The following ARHGAP10 variants were observed in gnomAD, a reference collection of about 807,000 sequenced individuals.
ARHGAP10 encodes Rho GTPase activating protein 10, also known as rho GTPase-activating protein 10.
ARHGAP10 carries 87 observed loss-of-function variants against 108.6 expected under a neutral mutation model. The observed-to-expected ratio is 0.80, with a 90% CI of 0.67 to 0.96. The LOEUF (loss-of-function observed/expected upper bound fraction) is 0.96, where lower values mean the gene tolerates loss of function less well. Ranked by LOEUF, ARHGAP10 falls within the 40% of genes least tolerant of loss-of-function variation. The pLI is 0.00. For missense variants in ARHGAP10, 939 were observed against 954.5 expected (o/e 0.98, Z 0.21); for synonymous variants, 347 against 341.1 (o/e 1.02, Z -0.19).
chr4:148,070,353 C>A (rs1035480069), intron 22 of ARHGAP10, among the ~76,000 whole-genome samples: 2 of 152,210 alleles, frequency 1.3e-5, no homozygotes, highest in African/African-American at 4.8e-5. Context: ...GGGAACAGCT[C>A]CAGGGAGGCG....
At chr4:147,860,492 A>T (rs1306604551) in intron 5 of ARHGAP10, among the ~76,000 whole-genome samples, 5 of 152,136 alleles carry the variant, frequency 3.3e-5, no homozygotes, top group Admixed American at 2.0e-4. Flanking sequence ...AAATTGTGGC[A>T]TATACCATGC....
chr4:147,881,748 C>A, intron 9 of ARHGAP10, 90 bp from the exon 10 acceptor site: 3 of 1,124,618 alleles, frequency 2.7e-6, no homozygotes, highest in Non-Finnish European at 3.9e-6. Flanking sequence ...AGATCTTGAA[C>A]CTTGCTCCCC....
In ARHGAP10 at chr4:147,847,313, A is replaced by G. The variant is rs553372616; in HGVS notation, c.384+91A>G. 8 of 1,153,336 alleles carry G rather than the reference A, an allele frequency of 6.9e-6. No individual in the cohort carries two copies. In the African/African-American group the frequency reaches 1.1e-4, roughly 16 times the overall value. The allele number at this position is 1,153,336 out of a possible 1,614,324, so 71.4% of individuals were successfully genotyped here. On this transcript the variant is annotated intron_variant, in intron 4 of 22. Transcript: ENST00000336498. ...TTCACATTTGGCAGCTTTGAAGGAG[A>G]TGCCGGAGCAAACCATCTGTTGTTT...
chr4:148,067,337 A>C (rs1420361594), intron 22 of ARHGAP10, among the ~76,000 whole-genome samples: 1 of 152,232 alleles, frequency 6.6e-6, no homozygotes, highest in African/African-American at 2.4e-5. Context: ...TTGATCTCTT[A>C]GCTAGTTAAA....
intron 7 of ARHGAP10, among the ~76,000 whole-genome samples, chr4:147,868,940 C>T (rs529014429): frequency 1.3e-5 from 2 of 152,130 alleles, no homozygotes; most frequent in African/African-American, 4.8e-5. Flanking sequence ...GTTGGGGACC[C>T]CTGCTTGAGA....
intron 10 of ARHGAP10, among the ~76,000 whole-genome samples, chr4:147,897,429 T>C (rs1419141044): frequency 1.3e-5 from 2 of 152,108 alleles, no homozygotes; most frequent in Non-Finnish European, 1.5e-5. Context: ...TTGATACGTA[T>C]GGGCTTAAAT....
At chr4:148,030,028 A>G (rs1014548048) in intron 19 of ARHGAP10, among the ~76,000 whole-genome samples, 2 of 150,830 alleles carry the variant, frequency 1.3e-5, no homozygotes, top group East Asian at 3.9e-4. Flanking sequence ...CTAGTGACAA[A>G]GTGAAAGGCA....
chr4:148,054,467 T>G (rs1303519973), intron 20 of ARHGAP10, among the ~76,000 whole-genome samples: 3 of 152,374 alleles, frequency 2.0e-5, no homozygotes, highest in South Asian at 4.1e-4. Context: ...GGGATTTTCC[T>G]TTCCTCTGAG....
At chr4:147,996,263 C>T (rs998798379) in intron 18 of ARHGAP10, among the ~76,000 whole-genome samples, 2 of 152,034 alleles carry the variant, frequency 1.3e-5, no homozygotes, top group African/African-American at 4.8e-5. Flanking sequence ...CCATCTCCAG[C>T]AATAAACAGA....
chr4:147,796,468 C>G (rs1731321225), intron 1 of ARHGAP10, among the ~76,000 whole-genome samples: 1 of 152,108 alleles, frequency 6.6e-6, no homozygotes, highest in Non-Finnish European at 1.5e-5. Flanking sequence ...TACATAATTC[C>G]TCCTCAGTCT....
intron 7 of ARHGAP10, among the ~76,000 whole-genome samples, chr4:147,870,474 A>T (rs1041591937): frequency 2.6e-4 from 39 of 152,214 alleles, no homozygotes; most frequent in Non-Finnish European, 2.9e-5. Flanking sequence ...GCAAAACTTT[A>T]TAATCAGAAA....
At chr4:148,011,816 A>T (rs1257887289) in intron 18 of ARHGAP10, among the ~76,000 whole-genome samples, 1 of 152,228 alleles carries the variant, frequency 6.6e-6, no homozygotes, top group Non-Finnish European at 1.5e-5. Context: ...GAGAATATTT[A>T]AGAATCCTGT....
chr4:147,772,547 G>A (rs933958010), intron 1 of ARHGAP10, among the ~76,000 whole-genome samples: 8 of 152,346 alleles, frequency 5.3e-5, no homozygotes, highest in African/African-American at 1.7e-4. Context: ...GCCTTGTGGC[G>A]AGTGAACTGT....
chr4:148,038,018 A>G (rs1391834574), intron 19 of ARHGAP10, among the ~76,000 whole-genome samples: 1 of 152,178 alleles, frequency 6.6e-6, no homozygotes, highest in Non-Finnish European at 1.5e-5. Context: ...TTTATTTACA[A>G]CATCAAGTCC....
intron 19 of ARHGAP10, among the ~76,000 whole-genome samples, chr4:148,030,328 C>A (rs1728089767): frequency 6.6e-6 from 1 of 152,062 alleles, no homozygotes; most frequent in Non-Finnish European, 1.5e-5. Flanking sequence ...CTTTATAGCC[C>A]CCTTTGAAAC....
chr4:147,975,444 C>T (rs1022787631), intron 18 of ARHGAP10, among the ~76,000 whole-genome samples: 19 of 152,172 alleles, frequency 1.2e-4, no homozygotes, highest in African/African-American at 4.6e-4. Flanking sequence ...TATAACAATA[C>T]TTGAGACTGG....
chr4:148,047,790 A>G (rs1430621708), intron 20 of ARHGAP10, among the ~76,000 whole-genome samples: 1 of 152,196 alleles, frequency 6.6e-6, no homozygotes, highest in Non-Finnish European at 1.5e-5. Context: ...AATTTTATCT[A>G]AAAATACATT....
At chr4:148,010,224 G>A (rs1257654492) in intron 18 of ARHGAP10, among the ~76,000 whole-genome samples, 1 of 152,122 alleles carries the variant, frequency 6.6e-6, no homozygotes, top group African/African-American at 2.4e-5. Flanking sequence ...GGAGATTCCA[G>A]ATATCTCTGG....
At chr4:148,011,423 C>T (rs191491975) in intron 18 of ARHGAP10, among the ~76,000 whole-genome samples, 141 of 152,326 alleles carry the variant, frequency 9.3e-4, no homozygotes, top group Non-Finnish European at 1.7e-3. Flanking sequence ...GACTCACAGG[C>T]TGGGCTCCCC....
Sources: allele counts gnomAD v4.1 joint callset (sites outside exome capture counted in the v4.1 genomes callset), GRCh38; gene constraint gnomAD v4.1.1; transcripts MANE v1.5; gene names NCBI Gene and HGNC (gene_info 2026-07-23, HGNC 2026-07-21).